Variants in SYTL2 observed in about 807,000 individuals in gnomAD.
The protein encoded by SYTL2 is synaptotagmin-like protein 2.
Under a neutral mutation model 198.7 loss-of-function variants are expected in SYTL2, and 165 were observed. The ratio of observed to expected loss-of-function variants is 0.83; its 90% confidence interval spans 0.73 to 0.94. The LOEUF is 0.94. SYTL2 is among the 40% of genes least tolerant of loss of function. The probability of loss-of-function intolerance (pLI) is 0.00; values close to 1 mark genes in which losing one functional copy is unlikely to be tolerated. For synonymous variants in SYTL2, 966 were observed against 917.7 expected (o/e 1.05, Z -0.95); for missense variants, 2,835 against 2,582.8 (o/e 1.10, Z -2.12).
At chr11:85,738,754 C>A (rs2090556420) in intron 4 of SYTL2, among the ~76,000 whole-genome samples, 1 of 152,174 alleles carries the variant, frequency 6.6e-6, no homozygotes, top group African/African-American at 2.4e-5. Context: ...TCTGCATAAT[C>A]TTCCTTAGTA....
chr11:85,738,490 C>T (rs903165118), intron 4 of SYTL2, among the ~76,000 whole-genome samples: 1 of 151,920 alleles, frequency 6.6e-6, no homozygotes, highest in Non-Finnish European at 1.5e-5. Context: ...TAATGGAGCC[C>T]GAATTAAGAC....
intron 1 of SYTL2, among the ~76,000 whole-genome samples, chr11:85,766,858 G>A (rs1020805320): frequency 6.6e-6 from 1 of 152,146 alleles, no homozygotes; most frequent in Admixed American, 6.5e-5. Context: ...AGAGAAGTAC[G>A]ATCTCTGTCA....
chr11:85,737,366 A>G (rs2090432766), intron 5 of SYTL2, among the ~76,000 whole-genome samples: 1 of 152,204 alleles, frequency 6.6e-6, no homozygotes, highest in Non-Finnish European at 1.5e-5. Context: ...CTGGGTCTTC[A>G]GCAATGCAAT....
intron 1 of SYTL2, among the ~76,000 whole-genome samples, chr11:85,767,358 G>A (rs1591970348): frequency 6.6e-6 from 1 of 152,148 alleles, no homozygotes; most frequent in Non-Finnish European, 1.5e-5. Context: ...GGTTTGGGCT[G>A]CATTTCACAG....
At chr11:85,847,743 G>T in the SYTL2 span, among the ~76,000 whole-genome samples, 2 of 152,150 alleles carry the variant, frequency 1.3e-5, no homozygotes, top group Non-Finnish European at 2.9e-5. Flanking sequence ...ATCTTTTCAT[G>T]TGCCAATTGG....
At chr11:85,772,638 T>C (rs1489408223) in intron 1 of SYTL2, among the ~76,000 whole-genome samples, 1 of 152,188 alleles carries the variant, frequency 6.6e-6, no homozygotes, top group Non-Finnish European at 1.5e-5. Flanking sequence ...ACATTAGATA[T>C]CAAAATGGGC....
At chr11:85,744,374 G>A (rs1392179090) in intron 4 of SYTL2, among the ~76,000 whole-genome samples, 1 of 152,164 alleles carries the variant, frequency 6.6e-6, no homozygotes, top group African/African-American at 2.4e-5. Context: ...TTATCAATTA[G>A]TGACTACTAT....
chr11:85,793,182 T>C (rs2092756079), intron 1 of SYTL2, among the ~76,000 whole-genome samples: 3 of 151,488 alleles, frequency 2.0e-5, no homozygotes, highest in Admixed American at 2.0e-4. Context: ...TTTCTAGTTC[T>C]AGATCCCTGA....
chr11:85,811,548 C>A (rs906335147), upstream of SYTL2, among the ~76,000 whole-genome samples: 23 of 152,188 alleles, frequency 1.5e-4, no homozygotes, highest in African/African-American at 4.8e-4. Flanking sequence ...GGGAAAGGGG[C>A]GCGGAGGGTA....
chr11:85,734,144 T>G lies in SYTL2; in HGVS notation c.1185A>C (p.Gln395His), dbSNP rs1041266810. The G allele has an allele frequency of 1.2e-6, 2 of 1,614,102 alleles. No homozygotes were observed. Among genetic ancestry groups the G allele is most frequent in the African/African-American group, 2.7e-5 (2 of 74,948 alleles). ...TTGATACATATGGGCTTGAGGTTGA[T>G]TGATGAAAAAGCGAAGGCTTTCTGT... The part of the protein sequence containing the change: ...SQYRKPSLFH[Q>H]STSSPYVSKS... The change falls in exon 7 of 20, where the codon CAA becomes CAC. Residue 395 changes from glutamine (Q) to histidine (H), a missense_variant. By Grantham distance (24) the Gln-to-His change is conservative. This residue lies in a region of SYTL2 where 2,645 missense variants were observed against 2,381.7 expected (regional missense o/e 1.11). Coordinates refer to ENST00000359152, the MANE Select transcript of SYTL2 (RefSeq NM_206927.4).
At chr11:85,787,701 C>CTTTTTTT (rs56177666) in intron 1 of SYTL2, among the ~76,000 whole-genome samples, 3 of 90,398 alleles carry the variant, frequency 3.3e-5, no homozygotes, top group East Asian at 3.0e-4. Flanking sequence ...TTTTCTTTTC[C>CTTTTTTT]TTTTTTTTTT....
intron 16 of SYTL2, 123 bp from the exon 17 acceptor site, chr11:85,700,716 T>C: frequency 1.4e-6 from 1 of 713,442 alleles, no homozygotes; most frequent in East Asian, 2.5e-5. Context: ...ATGAGTGCTC[T>C]GGATTAAAAT....
At position 85,727,547 on chromosome 11, in the gene SYTL2, C is replaced by A; in HGVS notation, c.1811G>T (p.Cys604Phe). The part of the protein sequence containing the change: ...AEGDMLVSES[C>F]QDNNVNIKSK... ...TTTGATATTCACATTATTATCTTGG[C>A]AACTTTCAGAAACCAGCATATCTCC... The change falls in exon 8 of 20, where the codon TGC (cysteine) becomes TTC (phenylalanine). Residue 604 changes from cysteine (C) to phenylalanine (F), a missense_variant. Physicochemically the swap from Cys to Phe is radical, Grantham distance 205 (BLOSUM62 -2). Transcript: ENST00000359152. 1 of 1,536,036 alleles carries A rather than the reference C, an allele frequency of 6.5e-7. No homozygotes were observed. The highest frequency in any genetic ancestry group is 8.7e-7 in the Non-Finnish European group (1 of 1,146,878).
chr11:85,734,708 G>T lies in SYTL2; in HGVS notation c.621C>A (p.Val207=). 1.2e-6 allele frequency: 2 copies of T among 1,613,338 alleles called. No individual in the cohort carries two copies. The highest frequency in any genetic ancestry group is 1.1e-5 in the South Asian group (1 of 90,886). ...ELSESKEKST[V]ADTSIQKLEK... is the part of the protein sequence containing the mutation. ...CTAACTTTTGGATTGAAGTATCTGC[G>T]ACAGTTGACTTTTCTTTTGACTCTG... The change falls in exon 7 of 20, where the codon GTC becomes GTA. Residue 207 remains valine (V), a synonymous_variant. Transcript: ENST00000359152.
chr11:85,754,474 A>G (rs901546668), intron 2 of SYTL2, among the ~76,000 whole-genome samples: 2 of 152,222 alleles, frequency 1.3e-5, no homozygotes, highest in East Asian at 3.8e-4. Flanking sequence ...GAACTATCAC[A>G]TATTATGTGC....
chr11:85,817,490 T>C, the SYTL2 span, among the ~76,000 whole-genome samples: 1 of 152,382 alleles, frequency 6.6e-6, no homozygotes, highest in Non-Finnish European at 1.5e-5. Flanking sequence ...AAATATGTTA[T>C]GAAAATTAAT....
At chr11:85,797,066 C>G (rs1299426766) in intron 1 of SYTL2, among the ~76,000 whole-genome samples, 5 of 152,126 alleles carry the variant, frequency 3.3e-5, no homozygotes, top group African/African-American at 1.2e-4. Context: ...TGGCATGCAC[C>G]TGTAGTCCTA....
upstream of SYTL2, among the ~76,000 whole-genome samples, chr11:85,812,559 G>A (rs1215972389): frequency 6.6e-6 from 1 of 152,202 alleles, no homozygotes; most frequent in Non-Finnish European, 1.5e-5. Context: ...TTGACAAAGT[G>A]TTGTAGAGTC....
At chr11:85,815,585 C>T (rs1275182584), upstream of SYTL2, among the ~76,000 whole-genome samples, 2 of 152,136 alleles carry the variant, frequency 1.3e-5, no homozygotes, top group Non-Finnish European at 2.9e-5. Flanking sequence ...CTTTGATTAT[C>T]TTGTTTGATC....
Sources: gnomAD v4.1 joint callset for allele counts (sites outside exome capture counted in the v4.1 genomes callset) on GRCh38, gnomAD v4.1.1 for gene constraint, gnomAD v4.1.1 regional missense constraint, MANE v1.5 for transcripts, NCBI Gene and HGNC (gene_info 2026-07-23, HGNC 2026-07-21) for gene names.